ARMCX4: variants seen among roughly 807,000 people sequenced by gnomAD.
ARMCX4 encodes armadillo repeat containing X-linked 4, also known as armadillo repeat-containing X-linked protein 4.
ARMCX4 carries 3 observed loss-of-function variants against 34.7 expected under a neutral mutation model. That is an observed-to-expected ratio of 0.09 (90% CI 0.04 to 0.22). The LOEUF (loss-of-function observed/expected upper bound fraction) is 0.22. Ranked by LOEUF, ARMCX4 falls within the 10% of genes least tolerant of loss-of-function variation. The pLI, the probability that ARMCX4 is intolerant of heterozygous loss-of-function variation, is 1.00. For missense variants in ARMCX4, 1,448 were observed against 1,720.8 expected, an observed-to-expected ratio of 0.84 and a Z score of 2.81; for synonymous variants, 513 against 632.8, an observed-to-expected ratio of 0.81 and a Z score of 2.84.
chrX:101,436,087 A>G (rs1930741763), intron 2 of ARMCX4, among the ~76,000 whole-genome samples: 1 of 110,408 alleles, frequency 9.1e-6, no homozygotes, highest in African/African-American at 3.3e-5. Flanking sequence ...TGATGCCTCC[A>G]GCTTTGTTCT....
intron 11 of ARMCX4, among the ~76,000 whole-genome samples, chrX:101,515,395 C>CTTTCTTTCTTTCTTTCTTTTTCTTTCTT (rs1556017495): frequency 9.5e-4 from 2 of 2,104 alleles, no homozygotes; most frequent in Admixed American, 8.6e-3. Flanking sequence ...CTTTCTTTCC[C>CTTTCTTTCTTTCTTTCTTTTTCTTTCTT]TCCCTCCCTC....
intron 4 of ARMCX4, among the ~76,000 whole-genome samples, chrX:101,461,361 A>G (rs1932599666): frequency 8.9e-6 from 1 of 112,031 alleles, no homozygotes; most frequent in Admixed American, 9.5e-5. Flanking sequence ...ACTTAGCATA[A>G]TGTTTTCAGA....
intron 11 of ARMCX4, among the ~76,000 whole-genome samples, chrX:101,512,817 C>G (rs1247659684): frequency 1.2e-5 from 1 of 84,056 alleles, no homozygotes; most frequent in Non-Finnish European, 2.1e-5. Context: ...CATATATACA[C>G]ATATATATAC....
chrX:101,489,500 G>A lies in ARMCX4; in HGVS notation c.911G>A (p.Cys304Tyr). The A allele has an allele frequency of 1.7e-6, 2 of 1,155,557 alleles. No homozygotes were observed. Among genetic ancestry groups the A allele is most frequent in the Non-Finnish European group, 1.1e-6 (1 of 872,773 alleles). Residue 304 changes from cysteine to tyrosine, a missense_variant, in exon 6 of 6, where the codon TGT becomes TAT. By Grantham distance (194) the Cys-to-Tyr change is radical. Around this residue, in one of 2 missense-constraint regions of ARMCX4, gnomAD observed 1,343 missense variants for 1,540.7 expected, o/e 0.87. Coordinates refer to ENST00000423738, the MANE Select transcript of ARMCX4 (RefSeq NM_001256155.3). ...PGTGVEDMGN[C>Y]KTMSRAESGA... is the part of the protein sequence containing the mutation. ...ACTGGGGTTGAGGACATGGGGAATT[G>A]TAAAACCATGTCTAGGGCAGAGTCT...
intron 4 of ARMCX4, among the ~76,000 whole-genome samples, chrX:101,480,310 G>A (rs782524216): frequency 1.8e-5 from 2 of 111,122 alleles, no homozygotes; most frequent in Non-Finnish European, 3.8e-5. Context: ...GCTCATGCCT[G>A]TAATCCCAGC....
At chrX:101,443,030 C>A (rs1334158629) in intron 2 of ARMCX4, among the ~76,000 whole-genome samples, 1 of 104,886 alleles carries the variant, frequency 9.5e-6, no homozygotes, top group Non-Finnish European at 1.9e-5. Flanking sequence ...ACTTTGGAGG[C>A]TGAGGCAGGA....
chrX:101,530,721 G>T (rs1259297729), intron 11 of ARMCX4, among the ~76,000 whole-genome samples: 1 of 111,120 alleles, frequency 9.0e-6, no homozygotes, highest in Non-Finnish European at 1.9e-5. Flanking sequence ...AAGACAACAT[G>T]AAAATATTCT....
exon 8 of ARMCX4, chrX:101,505,064 C>A (rs781978163): frequency 5.4e-5 from 6 of 111,327 alleles, no homozygotes; most frequent in Non-Finnish European, 1.1e-4. Flanking sequence ...AGGATGGGTT[C>A]CCAATGTGAC....
intron 2 of ARMCX4, among the ~76,000 whole-genome samples, chrX:101,432,120 T>A (rs1352379936): frequency 8.9e-6 from 1 of 112,188 alleles, no homozygotes; most frequent in Non-Finnish European, 1.9e-5. Context: ...CATTTAAAAA[T>A]TCCCATAAAC....
intron 3 of ARMCX4, among the ~76,000 whole-genome samples, chrX:101,445,722 C>T (rs1555997883): frequency 9.0e-6 from 1 of 111,609 alleles, no homozygotes; most frequent in Non-Finnish European, 1.9e-5. Flanking sequence ...ATTTGCCCCT[C>T]CAGCTCTATT....
intron 2 of ARMCX4, among the ~76,000 whole-genome samples, chrX:101,426,235 C>T (rs1489442330): frequency 9.0e-6 from 1 of 111,022 alleles, no homozygotes; most frequent in African/African-American, 3.3e-5. Flanking sequence ...TCATAGAGTA[C>T]GTTTGCTAAG....
downstream of ARMCX4, among the ~76,000 whole-genome samples, chrX:101,500,075 A>G (rs1603218081): frequency 1.8e-5 from 2 of 111,521 alleles, no homozygotes; most frequent in African/African-American, 3.3e-5. Flanking sequence ...GAAATACTCG[A>G]ACATTTTGAG....
At chrX:101,487,379 T>G (rs1221757859) in intron 3 of ARMCX4, 107 bp downstream of exon 3, 4 of 185,181 alleles carry the variant, frequency 2.2e-5, no homozygotes, top group African/African-American at 9.6e-5. Context: ...GCCACAGTGC[T>G]GCCATGCCTC....
intron 11 of ARMCX4, among the ~76,000 whole-genome samples, chrX:101,512,908 C>A (rs965848133): frequency 1.9e-5 from 2 of 104,539 alleles, no homozygotes; most frequent in Non-Finnish European, 3.9e-5. Context: ...GAGAGAGATT[C>A]ATTTTTAAGG....
chrX:101,464,010 G>C (rs1443603929), intron 4 of ARMCX4, among the ~76,000 whole-genome samples: 1 of 109,949 alleles, frequency 9.1e-6, no homozygotes, highest in Non-Finnish European at 1.9e-5. Flanking sequence ...CACCTGCCTC[G>C]GCCTTCCAAA....
At position 101,490,721 on chromosome X, in the gene ARMCX4, A is replaced by G. The variant is rs1383279290; in HGVS notation, c.2132A>G (p.Gln711Arg). 2 of 1,147,635 alleles carry G rather than the reference A, an allele frequency of 1.7e-6. No individual in the cohort carries two copies. The highest frequency in any genetic ancestry group is 2.3e-6 in the Non-Finnish European group (2 of 870,107). 94.6% of individuals were successfully genotyped at this position (1,147,635 alleles called of 1,213,427 possible). A position where few individuals can be genotyped will look rare whatever the true frequency, so the allele number is the denominator to read the frequency against. The stretch of plus-strand genomic sequence containing the variant: ...GATACAACAGGCTCTGTCCAGCCCC[A>G]GATTGTGGCCAATTCCCAGGGTGAG... The part of the protein sequence containing the change: ...GTDTTGSVQP[Q>R]IVANSQGEVL... The change falls in exon 6 of 6, where the codon CAG (glutamine) becomes CGG (arginine). Residue 711 changes from glutamine (Q) to arginine (R), a missense_variant. Gln to Arg is a conservative substitution (Grantham distance 43). Around this residue, in one of 2 missense-constraint regions of ARMCX4, gnomAD observed 1,343 missense variants for 1,540.7 expected, o/e 0.87. Transcript: ENST00000423738.
intron 2 of ARMCX4, among the ~76,000 whole-genome samples, chrX:101,440,266 T>C (rs1360686528): frequency 8.9e-6 from 1 of 112,109 alleles, no homozygotes; most frequent in East Asian, 2.8e-4. Context: ...TGCCTGGGTA[T>C]CAGCAGCAGA....
Position 101,433,081 on chromosome X carries a change from T to C in ARMCX4, n.165-10971T>C, listed in dbSNP as rs1386205139. Among the ~76,000 whole-genome samples, 35 of 110,384 alleles carry C rather than the reference T, an allele frequency of 3.2e-4. 1 individual carries two copies. In the Admixed American group the frequency reaches 3.2e-3, roughly 10 times the overall value. On this transcript the variant is annotated intron_variant and non_coding_transcript_variant, in intron 2 of 3. Coordinates refer to the ARMCX4 transcript ENST00000430461. ...ATACACGTGTATATATACACATATG[T>C]ATACATATATGTGTATACATACGCA...
At position 101,421,661 on chromosome X, in the gene ARMCX4, A is replaced by T. The variant is rs781948835; in HGVS notation, n.164+2661A>T. ...TCCCTGCACACACTGTGTCCTCCAG[A>T]GGGGAGGAAGGCTAGATCATGACAT... On this transcript the variant is annotated intron_variant and non_coding_transcript_variant, in intron 2 of 3. Coordinates refer to the ARMCX4 transcript ENST00000430461. 2.7e-5 allele frequency among the ~76,000 whole-genome samples: 3 copies of T among 110,805 alleles called. No homozygotes were observed. The Admixed American group carries it at 2.9e-4, about 11-fold the overall frequency.
Sources: gnomAD v4.1 joint callset for allele counts (sites outside exome capture counted in the v4.1 genomes callset) on GRCh38, gnomAD v4.1.1 for gene constraint, gnomAD v4.1.1 regional missense constraint, MANE v1.5 for transcripts, NCBI Gene and HGNC (gene_info 2026-07-23, HGNC 2026-07-21) for gene names.